Variants in CASP6 observed in about 807,000 individuals in gnomAD.
CASP6 encodes the protein caspase-6.
CASP6 carries 20 observed loss-of-function variants against 31.8 expected under a neutral mutation model. The ratio of observed to expected loss-of-function variants is 0.63; its 90% CI spans 0.44 to 0.91. CASP6 has a LOEUF of 0.91. CASP6 is among the 40% of genes least tolerant of loss of function. The probability of loss-of-function intolerance (pLI) is 0.00; values close to 1 mark genes in which losing one functional copy is unlikely to be tolerated. For synonymous variants in CASP6, 130 were observed against 127.8 expected (o/e 1.02, Z -0.12); for missense variants, 328 against 361.1 (o/e 0.91, Z 0.74).
intron 1 of CASP6, among the ~76,000 whole-genome samples, chr4:109,703,032 T>G (rs572531409): frequency 2.6e-5 from 4 of 152,190 alleles, no homozygotes; most frequent in African/African-American, 9.6e-5. Flanking sequence ...TTTTAAGGTT[T>G]AAACAGCCGG....
chr4:109,677,180 C>T, the CASP6 span, among the ~76,000 whole-genome samples: 1 of 152,218 alleles, frequency 6.6e-6, no homozygotes, highest in African/African-American at 2.4e-5. Context: ...GGGTTTTGGA[C>T]TTACGTGGGA....
chr4:109,675,229 A>G, the CASP6 span, among the ~76,000 whole-genome samples: 8 of 152,258 alleles, frequency 5.3e-5, no homozygotes, highest in Non-Finnish European at 1.0e-4. Flanking sequence ...CTTCTGAAAG[A>G]GCAGAGCCAA....
chr4:109,679,141 A>G, the CASP6 span, among the ~76,000 whole-genome samples: 1 of 150,412 alleles, frequency 6.6e-6, no homozygotes, highest in Non-Finnish European at 1.5e-5. Context: ...ATGGCCGGGC[A>G]GAGGTGCTCC....
chr4:109,666,220 C>A, the CASP6 span, among the ~76,000 whole-genome samples: 2 of 152,190 alleles, frequency 1.3e-5, no homozygotes, highest in African/African-American at 4.8e-5. Flanking sequence ...ATCTGGGATA[C>A]TTCCAAGTTT....
chr4:109,696,193 G>T (rs573875758), intron 4 of CASP6, among the ~76,000 whole-genome samples: 8 of 152,264 alleles, frequency 5.3e-5, no homozygotes, highest in Non-Finnish European at 1.0e-4. Context: ...GTAACTAGTG[G>T]TATGCTAAAT....
At chr4:109,696,552 G>C (rs1410132040) in intron 3 of CASP6, 66 bp from the exon 4 acceptor site, 1 of 1,048,568 alleles carries the variant, frequency 9.5e-7, no homozygotes, top group Admixed American at 2.1e-5. Context: ...CCCTTACTTT[G>C]GAAGAATCTA....
chr4:109,685,419 T>C (rs1411254877), downstream of CASP6: 2 of 766,082 alleles, frequency 2.6e-6, no homozygotes, highest in African/African-American at 3.4e-5. Flanking sequence ...CAGAACTTAG[T>C]ATCAGGGAAG....
Position 109,694,533 on chromosome 4 carries a change from T to C in CASP6, c.475A>G (p.Ile159Val). Residue 159 changes from isoleucine (I) to valine (V), a missense_variant, in exon 5 of 7, where the codon ATC (isoleucine) becomes GTC (valine). Ile to Val is a conservative substitution (Grantham distance 29). Coordinates refer to ENST00000265164, the MANE Select transcript of CASP6 (RefSeq NM_001226.4). ...AATGTACTCAGTCTTACCTGAATGA[T>C]AAATATCTTGGGTTTTCCAACCAGG... ...HSLVGKPKIFIIQACRGNQHD... is the reference protein window; with the variant it reads ...HSLVGKPKIFVIQACRGNQHD... 1 of 1,600,656 alleles carries C rather than the reference T, an allele frequency of 6.2e-7. No homozygotes were observed. The highest frequency in any genetic ancestry group is 8.5e-7 in the Non-Finnish European group (1 of 1,175,070).
At chr4:109,691,881 C>T (rs1455102775) in intron 5 of CASP6, 1 of 152,082 alleles carries the variant, frequency 6.6e-6, no homozygotes, top group African/African-American at 2.4e-5. Flanking sequence ...ACCTACAAGC[C>T]AAAAAGGGAG....
chr4:109,666,662 G>C, the CASP6 span, among the ~76,000 whole-genome samples: 1 of 152,060 alleles, frequency 6.6e-6, no homozygotes, highest in Middle Eastern at 3.2e-3. Flanking sequence ...TGAGTTCTTT[G>C]TATGTTTGGG....
the CASP6 span, among the ~76,000 whole-genome samples, chr4:109,678,494 C>G: frequency 6.9e-6 from 1 of 145,078 alleles, no homozygotes; most frequent in Admixed American, 6.9e-5. Context: ...GGCAGAGGCG[C>G]TCCCCATTTC....
At chr4:109,666,300 C>A in the CASP6 span, among the ~76,000 whole-genome samples, 2 of 152,126 alleles carry the variant, frequency 1.3e-5, no homozygotes, top group Admixed American at 1.3e-4. Flanking sequence ...ATTTTCAAAT[C>A]ATTTGGTTAA....
upstream of CASP6, chr4:109,703,658 G>T: frequency 1.8e-6 from 1 of 543,878 alleles, no homozygotes; most frequent in Non-Finnish European, 3.2e-6. Flanking sequence ...TCGCCTCCAG[G>T]CCCGCTGGGA....
chr4:109,686,710 C>T (rs1421562429), downstream of CASP6, among the ~76,000 whole-genome samples: 1 of 152,038 alleles, frequency 6.6e-6, no homozygotes, highest in Non-Finnish European at 1.5e-5. Flanking sequence ...CTCATCTCTA[C>T]AAAATTTGTT....
At chr4:109,671,753 T>G in the CASP6 span, among the ~76,000 whole-genome samples, 6 of 152,218 alleles carry the variant, frequency 3.9e-5, no homozygotes, top group Non-Finnish European at 8.8e-5. Flanking sequence ...AAACTGTGGT[T>G]GTTGTTGTTT....
the CASP6 span, chr4:109,682,814 A>C: frequency 8.8e-7 from 1 of 1,137,864 alleles, no homozygotes; most frequent in Non-Finnish European, 1.2e-6. Flanking sequence ...TCATGTGAGC[A>C]TTTTTCTGAA....
rs142416957 is a variant in CASP6 at position 109,690,846 on chromosome 4, A to G, written c.643+4T>C. The G allele has an allele frequency of 1.8e-5, 29 of 1,602,350 alleles. No homozygotes were observed. The East Asian group carries it at 2.9e-4, about 16-fold the overall frequency. On this transcript the variant is annotated splice_donor_region_variant and intron_variant, in intron 6 of 6. Transcript: ENST00000265164. ...ATTATATGTTTGTTTTAAACACCACACACCTTCTGCAACAGAGTAACACAT... is the reference window on the plus strand; with the variant it reads ...ATTATATGTTTGTTTTAAACACCACGCACCTTCTGCAACAGAGTAACACAT...
chr4:109,700,594 A>C (rs1267354637), intron 1 of CASP6, among the ~76,000 whole-genome samples: 1 of 151,726 alleles, frequency 6.6e-6, no homozygotes, highest in African/African-American at 2.4e-5. Context: ...TTTTTTTTTA[A>C]GTTTTTTGTT....
downstream of CASP6, among the ~76,000 whole-genome samples, chr4:109,686,536 A>C (rs1240259739): frequency 6.6e-6 from 1 of 152,234 alleles, no homozygotes; most frequent in Non-Finnish European, 1.5e-5. Context: ...ATATTTGAAT[A>C]ATCCTATCTG....
Sources: allele counts gnomAD v4.1 joint callset (sites outside exome capture counted in the v4.1 genomes callset), GRCh38; gene constraint gnomAD v4.1.1; transcripts MANE v1.5; gene names NCBI Gene and HGNC (gene_info 2026-07-23, HGNC 2026-07-21).